The following INSC variants were observed in gnomAD, a reference collection of about 807,000 sequenced individuals.
INSC encodes protein inscuteable homolog.
Under a neutral mutation model 58.6 loss-of-function variants are expected in INSC, and 67 were observed. That is an observed-to-expected ratio of 1.14 (90% CI 0.94 to 1.40). The LOEUF (loss-of-function observed/expected upper bound fraction) is 1.40. Ranked by LOEUF, INSC falls within the 40% of genes most tolerant of loss-of-function variation. The probability of loss-of-function intolerance (pLI) is 0.00; values close to 1 mark genes in which losing one functional copy is unlikely to be tolerated. For synonymous variants in INSC, 262 were observed against 276.1 expected (o/e 0.95, Z 0.51); for missense variants, 714 against 692.0 (o/e 1.03, Z -0.36).
intron 12 of INSC, among the ~76,000 whole-genome samples, chr11:15,242,915 TTC>T (rs1409926591): frequency 6.6e-5 from 10 of 152,202 alleles, no homozygotes; most frequent in Non-Finnish European, 1.2e-4. Context: ...GCCTGCACTT[TTC>T]AACCAGACCA....
At chr11:15,250,370 A>T (rs748773870), downstream of INSC, among the ~76,000 whole-genome samples, 13 of 152,348 alleles carry the variant, frequency 8.5e-5, no homozygotes, top group Non-Finnish European at 1.8e-4. Context: ...GATCATTTGT[A>T]TGGAAGTTCT....
chr11:15,211,910 G>A (rs945347609), intron 7 of INSC, among the ~76,000 whole-genome samples: 5 of 151,208 alleles, frequency 3.3e-5, no homozygotes, highest in Non-Finnish European at 7.4e-5. Flanking sequence ...AATAGAGCAC[G>A]GGGCCCCTAT....
intron 2 of INSC, among the ~76,000 whole-genome samples, chr11:15,174,022 A>C (rs532900766): frequency 2.0e-5 from 3 of 152,222 alleles, no homozygotes; most frequent in Admixed American, 6.5e-5. Flanking sequence ...ATAAAAGCCA[A>C]ATCTCCACCT....
chr11:15,153,331 C>T (rs1327155002), intron 2 of INSC, among the ~76,000 whole-genome samples: 1 of 152,208 alleles, frequency 6.6e-6, no homozygotes, highest in Non-Finnish European at 1.5e-5. Flanking sequence ...GCAGCTGCAG[C>T]TTGTGGCAGG....
At chr11:15,144,907 C>G (rs1386710572) in intron 1 of INSC, among the ~76,000 whole-genome samples, 2 of 152,150 alleles carry the variant, frequency 1.3e-5, no homozygotes, top group African/African-American at 4.8e-5. Context: ...TCAAGTCTTT[C>G]TTGTAAACTA....
rs138843708 is a variant in INSC, at chr11:15,240,809, C to T, written c.1470+286C>T. On this transcript the variant is annotated intron_variant, in intron 12 of 12. Coordinates refer to ENST00000379556, the MANE Select transcript of INSC (RefSeq NM_001042536.3). ...TAGGAACCAGGAACCTTTGAGGTTC[C>T]TGTGGAACGCTAGCTGGTCGTGTCT... 2.0e-3 allele frequency among the ~76,000 whole-genome samples: 299 copies of T among 152,300 alleles called. 3 individuals carry two copies. In the East Asian group the frequency reaches 0.05, roughly 26 times the overall value.
Position 15,238,869 on chromosome 11 carries a change from G to C in INSC, c.1238-50G>C. The C allele has an allele frequency of 1.3e-6, 2 of 1,580,356 alleles. 1 individual carries two copies. The highest frequency in any genetic ancestry group is 4.5e-5 in the East Asian group (2 of 44,410). On this transcript the variant is annotated intron_variant, in intron 10 of 12. Transcript: ENST00000379556. ...CCATCTGTCCAGCTGGCCCCATGGGGAAGGCTCCATGCTGGGGTAGGTACC... is the reference window on the plus strand; with the variant it reads ...CCATCTGTCCAGCTGGCCCCATGGGCAAGGCTCCATGCTGGGGTAGGTACC...
downstream of INSC, among the ~76,000 whole-genome samples, chr11:15,248,863 C>A (rs755779599): frequency 6.6e-6 from 1 of 152,066 alleles, no homozygotes; most frequent in South Asian, 2.1e-4. Flanking sequence ...ACTTGAATGC[C>A]GAGTTAAGGA....
At position 15,190,738 on chromosome 11, in the gene INSC, A is replaced by G; in HGVS notation, c.617A>G (p.Tyr206Cys). The G allele has an allele frequency of 6.2e-7, 1 of 1,613,926 alleles. No individual in the cohort carries two copies. Among genetic ancestry groups the G allele is most frequent in the Non-Finnish European group, 8.5e-7 (1 of 1,179,830 alleles). ...VRKIDASDNI[Y>C]TTESTTGNLF... The stretch of plus-strand genomic sequence containing the variant: ...AAAATTGATGCCTCAGACAATATCT[A>G]CACCACAGAGTCCACCACAGGGAAC... Residue 206 changes from tyrosine (Y) to cysteine (C), a missense_variant, in exon 6 of 13, where the codon TAC (tyrosine) becomes TGC (cysteine). Physicochemically the swap from Tyr to Cys is radical, Grantham distance 194 (BLOSUM62 -2). Transcript: ENST00000379556.
chr11:15,160,992 G>T (rs1364347780), intron 2 of INSC, among the ~76,000 whole-genome samples: 1 of 152,208 alleles, frequency 6.6e-6, no homozygotes, highest in Admixed American at 6.5e-5. Flanking sequence ...GTATGTGCAA[G>T]TTCTTGATAA....
chr11:15,111,826 G>A (rs942777775), upstream of INSC, among the ~76,000 whole-genome samples: 5 of 152,188 alleles, frequency 3.3e-5, no homozygotes, highest in African/African-American at 1.2e-4. Context: ...TGGTGCTCAT[G>A]TGTTAGGCTG....
At chr11:15,242,375 G>C (rs372152813) in intron 12 of INSC, among the ~76,000 whole-genome samples, 2 of 152,174 alleles carry the variant, frequency 1.3e-5, no homozygotes, top group Non-Finnish European at 2.9e-5. Context: ...TGGATGAGTT[G>C]GTGGATGCTG....
At chr11:15,232,115 T>A (rs551082854) in intron 9 of INSC, among the ~76,000 whole-genome samples, 1 of 152,264 alleles carries the variant, frequency 6.6e-6, no homozygotes, top group Non-Finnish European at 1.5e-5. Flanking sequence ...AAAGAAAAAA[T>A]AATTTGAAAA....
intron 1 of INSC, among the ~76,000 whole-genome samples, chr11:15,129,481 T>C (rs998255730): frequency 2.0e-5 from 3 of 152,238 alleles, no homozygotes; most frequent in African/African-American, 7.2e-5. Context: ...TATGGCGAAT[T>C]AACATTTCCC....
chr11:15,152,787 C>T (rs1224953040), intron 2 of INSC, among the ~76,000 whole-genome samples: 1 of 152,164 alleles, frequency 6.6e-6, no homozygotes, highest in African/African-American at 2.4e-5. Context: ...AATGATACTC[C>T]CAGCAGCTGG....
At chr11:15,119,409 T>C (rs1347246319) in intron 1 of INSC, among the ~76,000 whole-genome samples, 1 of 151,982 alleles carries the variant, frequency 6.6e-6, no homozygotes, top group African/African-American at 2.4e-5. Flanking sequence ...ATCTGGCCGG[T>C]CTGATCTCCC....
chr11:15,245,973 A>C lies in INSC; in HGVS notation c.1532A>C (p.Gln511Pro). The change falls in exon 13 of 13, where the codon CAG (glutamine) becomes CCG (proline). Residue 511 changes from glutamine (Q) to proline (P), a missense_variant. Physicochemically the swap from Gln to Pro is moderately conservative, Grantham distance 76. Transcript: ENST00000379556. ...PEGLQDSDFQ[Q>P]LVQPRLVDSF... ...GGCCTCCAGGACTCTGACTTTCAGCAGTTGGTCCAGCCTCGGCTGGTGGAC... is the reference window on the plus strand; with the variant it reads ...GGCCTCCAGGACTCTGACTTTCAGCCGTTGGTCCAGCCTCGGCTGGTGGAC... The C allele has an allele frequency of 1.2e-6, 2 of 1,614,170 alleles. No individual in the cohort carries two copies. The highest frequency in any genetic ancestry group is 1.7e-6 in the Non-Finnish European group (2 of 1,180,016).
intron 1 of INSC, 51 bp downstream of exon 1, chr11:15,115,054 C>A: frequency 1.3e-5 from 13 of 970,272 alleles, no homozygotes; most frequent in Non-Finnish European, 1.6e-5. Flanking sequence ...GATGCCTCTG[C>A]TAGCCTAGTT....
At chr11:15,252,860 C>A in the INSC span, among the ~76,000 whole-genome samples, 2 of 152,184 alleles carry the variant, frequency 1.3e-5, no homozygotes, top group African/African-American at 4.8e-5. Context: ...TAGTCACATT[C>A]ATGTTCTCCA....
Sources: gnomAD v4.1 joint callset for allele counts (sites outside exome capture counted in the v4.1 genomes callset) on GRCh38, gnomAD v4.1.1 for gene constraint, MANE v1.5 for transcripts, NCBI Gene and HGNC (gene_info 2026-07-23, HGNC 2026-07-21) for gene names.